Variants in HASPIN observed in about 807,000 individuals in gnomAD.
HASPIN encodes serine/threonine-protein kinase haspin.
HASPIN carries 24 observed loss-of-function variants against 28.8 expected under a neutral mutation model. The observed-to-expected ratio is 0.83, with a 90% CI of 0.60 to 1.17. The LOEUF is 1.17. Ranked by LOEUF, HASPIN falls within the 50% of genes most tolerant of loss-of-function variation. The probability of loss-of-function intolerance (pLI) is 0.00; values close to 1 mark genes in which losing one functional copy is unlikely to be tolerated. For synonymous variants in HASPIN, 440 were observed against 413.1 expected (o/e 1.07, Z -0.79); for missense variants, 1,016 against 1,018.5 (o/e 1.00, Z 0.03).
In HASPIN at chr17:3,726,449, A is replaced by G. The variant is rs2051216048; in HGVS notation, c.*117A>G. The G allele has an allele frequency of 2.9e-6, 2 of 688,226 alleles. No individual in the cohort carries two copies. The highest frequency in any genetic ancestry group is 2.6e-5 in the Admixed American group (1 of 37,760). The allele number at this position is 688,226 out of a possible 1,614,324, so 42.6% of individuals were successfully genotyped here. A position where few individuals can be genotyped will look rare whatever the true frequency, so the allele number is the denominator to read the frequency against. On this transcript the variant is annotated 3_prime_UTR_variant, in exon 1 of 1. Coordinates refer to ENST00000325418, the MANE Select transcript of HASPIN (RefSeq NM_031965.2). ...CTCCCATTCTCACAGGTTTCCAGTCAGCTTTTCAAACAAGAATTTTGTTTC... is the reference window on the plus strand; with the variant it reads ...CTCCCATTCTCACAGGTTTCCAGTCGGCTTTTCAAACAAGAATTTTGTTTC...
chr17:3,725,056 C>T lies in HASPIN; in HGVS notation c.1121C>T (p.Pro374Leu), dbSNP rs750702517. 27 of 1,614,250 alleles carry T rather than the reference C, an allele frequency of 1.7e-5. No individual in the cohort carries two copies. Among genetic ancestry groups the T allele is most frequent in the Non-Finnish European group, 2.3e-5 (27 of 1,180,046 alleles). ...KDSFPTQDLT[P>L]LQNVCFWTKT... ...TCGTTCCCCACCCAGGACCTGACTCCTTTACAGAATGTCTGCTTTTGGACC... is the reference window on the plus strand; with the variant it reads ...TCGTTCCCCACCCAGGACCTGACTCTTTTACAGAATGTCTGCTTTTGGACC... The change falls in exon 1 of 1, where the codon CCT becomes CTT. Residue 374 changes from proline to leucine, a missense_variant. Pro to Leu is a moderately conservative substitution (Grantham distance 98). Coordinates refer to ENST00000325418, the MANE Select transcript of HASPIN (RefSeq NM_031965.2).
chr17:3,724,510 C>A lies in HASPIN; in HGVS notation c.575C>A (p.Ser192Tyr). Residue 192 changes from serine (S) to tyrosine (Y), a missense_variant, in exon 1 of 1, where the codon TCC becomes TAC. Around this residue, in one of 3 missense-constraint regions of HASPIN, gnomAD observed 881 missense variants for 845.5 expected, o/e 1.04. Coordinates refer to ENST00000325418, the MANE Select transcript of HASPIN (RefSeq NM_031965.2). ...GACAGTGTCATCTCGATCGGCACCT[C>A]CGCCTGTCTGGTTGCAGCCTCAGCC... The part of the protein sequence containing the change: ...PRDSVISIGT[S>Y]ACLVAASAVP... 6.2e-7 allele frequency: 1 copy of A among 1,614,068 alleles called. No homozygotes were observed. The highest frequency in any genetic ancestry group is 8.5e-7 in the Non-Finnish European group (1 of 1,180,032).
Position 3,726,197 on chromosome 17 carries a change from A to G in HASPIN, c.2262A>G (p.Lys754=). 2 of 1,614,228 alleles carry G rather than the reference A, an allele frequency of 1.2e-6. No homozygotes were observed. The highest frequency in any genetic ancestry group is 1.7e-6 in the Non-Finnish European group (2 of 1,180,038). Residue 754 remains lysine (K), a synonymous_variant, in exon 1 of 1, where the codon AAA becomes AAG. Coordinates refer to ENST00000325418, the MANE Select transcript of HASPIN (RefSeq NM_031965.2). ...WLHYLTDKML[K]QMTFKTKCNT... Reference sequence around the variant, plus strand: ...ATTACCTGACAGACAAGATGCTGAAACAAATGACCTTCAAGACTAAATGTA... The same window carrying G: ...ATTACCTGACAGACAAGATGCTGAAGCAAATGACCTTCAAGACTAAATGTA...
rs1344127507 is a variant in HASPIN, at chr17:3,726,122, TAAC to T, written c.2191_2193del (p.Asn731del). ...TCTACAGGCTCATGAAGAAGGAGAA[TAAC>T]AACCGCTGGGGTGAATATCACCCTT... On this transcript the variant is annotated inframe_deletion, in exon 1 of 1. Coordinates refer to ENST00000325418, the MANE Select transcript of HASPIN (RefSeq NM_031965.2). 6.2e-7 allele frequency: 1 copy of T among 1,614,132 alleles called. No homozygotes were observed. Among genetic ancestry groups the T allele is most frequent in the Non-Finnish European group, 8.5e-7 (1 of 1,180,036 alleles).
At position 3,724,103 on chromosome 17, in the gene HASPIN, C is replaced by T. The variant is rs765173115; in HGVS notation, c.168C>T (p.Asp56=). The change falls in exon 1 of 1, where the codon GAC becomes GAT. Residue 56 remains aspartate, a synonymous_variant. Coordinates refer to ENST00000325418, the MANE Select transcript of HASPIN (RefSeq NM_031965.2). ...SSGSSDASIG[D]PSQSDDPDDP... ...GCAGCAGCGACGCCAGCATCGGCGA[C>T]CCCTCGCAGTCCGACGATCCTGACG... 1 of 1,594,656 alleles carries T rather than the reference C, an allele frequency of 6.3e-7. No homozygotes were observed. The highest frequency in any genetic ancestry group is 8.5e-7 in the Non-Finnish European group (1 of 1,177,576).
Position 3,725,261 on chromosome 17 carries a change from T to A in HASPIN, c.1326T>A (p.Tyr442Ter). 6.2e-7 allele frequency: 1 copy of A among 1,614,174 alleles called. No individual in the cohort carries two copies. Among genetic ancestry groups the A allele is most frequent in the Non-Finnish European group, 8.5e-7 (1 of 1,180,038 alleles). Reference sequence around the variant, plus strand: ...CCTCTTGGCACTCCTCCTCTATGTATTTGCTAAGCCCCTTAAACACTCTAA... The same window carrying A: ...CCTCTTGGCACTCCTCCTCTATGTAATTGCTAAGCCCCTTAAACACTCTAA... ...APSSWHSSSM[Y>*]LLSPLNTLSI... Residue 442 changes from tyrosine to a stop codon, truncating the protein, a stop_gained, in exon 1 of 1, where the codon TAT (tyrosine) becomes TAA (stop). Coordinates refer to ENST00000325418, the MANE Select transcript of HASPIN (RefSeq NM_031965.2). LOFTEE classifies it high-confidence loss of function.
chr17:3,724,246 G>T lies in HASPIN; in HGVS notation c.311G>T (p.Arg104Leu). The part of the protein sequence containing the change: ...LTVTPKRWKL[R>L]ARPSLTVTPR... Reference sequence around the variant, plus strand: ...GTGACCCCAAAGCGCTGGAAGCTGCGAGCTCGCCCAAGCCTAACCGTGACC... The same window carrying T: ...GTGACCCCAAAGCGCTGGAAGCTGCTAGCTCGCCCAAGCCTAACCGTGACC... The change falls in exon 1 of 1, where the codon CGA becomes CTA. Residue 104 changes from arginine to leucine, a missense_variant. By Grantham distance (102) the Arg-to-Leu change is moderately radical (BLOSUM62 -2). Coordinates refer to ENST00000325418, the MANE Select transcript of HASPIN (RefSeq NM_031965.2). The T allele has an allele frequency of 6.3e-7, 1 of 1,593,008 alleles. No homozygotes were observed. The highest frequency in any genetic ancestry group is 2.2e-5 in the East Asian group (1 of 44,514).
rs778754378 is a variant in HASPIN, at chr17:3,726,261, G to A, written c.2326G>A (p.Glu776Lys). Residue 776 changes from glutamate to lysine, a missense_variant, in exon 1 of 1, where the codon GAG becomes AAG. Transcript: ENST00000325418. ...AMKQIKRKIQ[E>K]FHRTMLNFSS... ...GAAGCAAATTAAGAGAAAAATCCAG[G>A]AGTTCCACAGGACAATGCTGAACTT... is the stretch of plus-strand genomic sequence containing the variant. 3 of 1,614,150 alleles carry A rather than the reference G, an allele frequency of 1.9e-6. No homozygotes were observed. The highest frequency in any genetic ancestry group is 2.5e-6 in the Non-Finnish European group (3 of 1,180,014).
chr17:3,724,699 A>G lies in HASPIN; in HGVS notation c.764A>G (p.Glu255Gly). 6.2e-7 allele frequency: 1 copy of G among 1,614,178 alleles called. No homozygotes were observed. The change falls in exon 1 of 1, where the codon GAG becomes GGG. Residue 255 changes from glutamate to glycine, a missense_variant. By Grantham distance (98) the Glu-to-Gly change is moderately conservative (BLOSUM62 -2). Transcript: ENST00000325418. Reference sequence around the variant, plus strand: ...GGCCTTATGAACTCAGGAACCCCTGAGGATTCTGAGTTTCGGGCAGATGGG... The same window carrying G: ...GGCCTTATGAACTCAGGAACCCCTGGGGATTCTGAGTTTCGGGCAGATGGG... Reference protein sequence around the residue: ...LFGLMNSGTPEDSEFRADGKN... With the variant: ...LFGLMNSGTPGDSEFRADGKN...
At position 3,724,156 on chromosome 17, in the gene HASPIN, GC is replaced by G. The variant is rs2051144521; in HGVS notation, c.224del (p.Pro75ArgfsTer2). 6.3e-7 allele frequency: 1 copy of G among 1,594,422 alleles called. No homozygotes were observed. The highest frequency in any genetic ancestry group is 1.3e-5 in the African/African-American group (1 of 74,622). On this transcript the variant is annotated frameshift_variant, in exon 1 of 1. Coordinates refer to ENST00000325418, the MANE Select transcript of HASPIN (RefSeq NM_031965.2). LOFTEE classifies it low-confidence loss of function (END_TRUNC). ...CCCGACGACCCCGACTTCCCCGGCA[GC>G]CCGGTGAGGCGGCGGCGGAGGCGTC... Reference protein sequence around the residue: ...DDPDDPDFPGSPVRRRRRRPG... With the variant: ...DDPDDPDFPGXPVRRRRRRPG...
In HASPIN at chr17:3,725,894, G is replaced by A. The variant is rs1320661417; in HGVS notation, c.1959G>A (p.Gly653=). 2 of 1,612,650 alleles carry A rather than the reference G, an allele frequency of 1.2e-6. No individual in the cohort carries two copies. Among genetic ancestry groups the A allele is most frequent in the South Asian group, 1.1e-5 (1 of 91,070 alleles). Residue 653 remains glycine (G), a synonymous_variant, in exon 1 of 1, where the codon GGG becomes GGA. Transcript: ENST00000325418. ...LRFEHRDLHW[G]NVLLKKTSLK... The stretch of plus-strand genomic sequence containing the variant: ...TTGAGCACCGAGACTTACACTGGGG[G>A]AACGTGCTCTTAAAGAAAACCAGCC...
chr17:3,724,554 C>G lies in HASPIN; in HGVS notation c.619C>G (p.Leu207Val). 6.2e-7 allele frequency: 1 copy of G among 1,614,190 alleles called. No homozygotes were observed. The highest frequency in any genetic ancestry group is 8.5e-7 in the Non-Finnish European group (1 of 1,180,028). The change falls in exon 1 of 1, where the codon CTC becomes GTC. Residue 207 changes from leucine (L) to valine (V), a missense_variant. Leu to Val is a conservative substitution (Grantham distance 32, BLOSUM62 1). Transcript: ENST00000325418. ...CTCAGCCGTCCCGAGCGGCCTCCAC[C>G]TCCCAGAAGTCTCCCTGGACCGAGC... is the stretch of plus-strand genomic sequence containing the variant. ...AASAVPSGLHLPEVSLDRASL... is the reference protein window; with the variant it reads ...AASAVPSGLHVPEVSLDRASL...
rs763743309 is a variant in HASPIN at position 3,724,233 on chromosome 17, C to A, written c.298C>A (p.Arg100Ser). Residue 100 changes from arginine to serine, a missense_variant, in exon 1 of 1, where the codon CGC (arginine) becomes AGC (serine). Coordinates refer to ENST00000325418, the MANE Select transcript of HASPIN (RefSeq NM_031965.2). ...DRPSLTVTPK[R>S]WKLRARPSLT... ...GCCCAGCCTGACCGTGACCCCAAAGCGCTGGAAGCTGCGAGCTCGCCCAAG... is the reference window on the plus strand; with the variant it reads ...GCCCAGCCTGACCGTGACCCCAAAGAGCTGGAAGCTGCGAGCTCGCCCAAG... The A allele has an allele frequency of 6.3e-7, 1 of 1,593,660 alleles. No individual in the cohort carries two copies. Among genetic ancestry groups the A allele is most frequent in the Non-Finnish European group, 8.5e-7 (1 of 1,177,408 alleles).
In HASPIN at chr17:3,724,202, G is replaced by C; in HGVS notation, c.267G>C (p.Lys89Asn). 6.3e-7 allele frequency: 1 copy of C among 1,593,244 alleles called. No homozygotes were observed. The highest frequency in any genetic ancestry group is 1.7e-4 in the Middle Eastern group (1 of 6,050). Residue 89 changes from lysine (K) to asparagine (N), a missense_variant, in exon 1 of 1, where the codon AAG becomes AAC. Coordinates refer to ENST00000325418, the MANE Select transcript of HASPIN (RefSeq NM_031965.2). Reference protein sequence around the residue: ...RRRRPGGRVPKDRPSLTVTPK... With the variant: ...RRRRPGGRVPNDRPSLTVTPK... ...GGCGTCCCGGCGGCCGAGTGCCCAA[G>C]GACCGGCCCAGCCTGACCGTGACCC...
rs2051219873 is a variant in HASPIN at position 3,726,635 on chromosome 17, C to T, written c.*303C>T. 3.1e-6 allele frequency: 1 copy of T among 320,962 alleles called. No homozygotes were observed. Among genetic ancestry groups the T allele is most frequent in the African/African-American group, 2.1e-5 (1 of 46,964 alleles). 19.9% of individuals were successfully genotyped at this position (320,962 alleles called of 1,614,324 possible). On this transcript the variant is annotated 3_prime_UTR_variant, in exon 1 of 1. Coordinates refer to ENST00000325418, the MANE Select transcript of HASPIN (RefSeq NM_031965.2). ...TTGAGCCCAAGAGTTCATATCTAGCCTGGTCAACATAGCAAGACCCCTGTC... is the reference window on the plus strand; with the variant it reads ...TTGAGCCCAAGAGTTCATATCTAGCTTGGTCAACATAGCAAGACCCCTGTC...
At position 3,723,997 on chromosome 17, in the gene HASPIN, G is replaced by T. The variant is rs371387394; in HGVS notation, c.62G>T (p.Gly21Val). The T allele has an allele frequency of 6.3e-7, 1 of 1,594,892 alleles. No homozygotes were observed. The highest frequency in any genetic ancestry group is 8.5e-7 in the Non-Finnish European group (1 of 1,173,920). Residue 21 changes from glycine to valine, a missense_variant, in exon 1 of 1, where the codon GGC (glycine) becomes GTC (valine). Around this residue, in one of 3 missense-constraint regions of HASPIN, gnomAD observed 881 missense variants for 845.5 expected, o/e 1.04. Coordinates refer to ENST00000325418, the MANE Select transcript of HASPIN (RefSeq NM_031965.2). ...RLFRTYGAAD[G>V]RRQRRPGREA... Reference sequence around the variant, plus strand: ...TTCCGCACATATGGGGCTGCGGACGGCAGGAGACAGCGGCGGCCGGGCCGG... The same window carrying T: ...TTCCGCACATATGGGGCTGCGGACGTCAGGAGACAGCGGCGGCCGGGCCGG...
Position 3,723,981 on chromosome 17 carries a change from T to C in HASPIN, c.46T>C (p.Tyr16His). Residue 16 changes from tyrosine (Y) to histidine (H), a missense_variant, in exon 1 of 1, where the codon TAT becomes CAT. This residue lies in a region of HASPIN where 881 missense variants were observed against 845.5 expected (regional missense o/e 1.04). Coordinates refer to ENST00000325418, the MANE Select transcript of HASPIN (RefSeq NM_031965.2). ...PGPGSRLFRT[Y>H]GAADGRRQRR... The stretch of plus-strand genomic sequence containing the variant: ...ACCTGGGAGCCGGCTTTTCCGCACA[T>C]ATGGGGCTGCGGACGGCAGGAGACA... 2 of 1,592,372 alleles carry C rather than the reference T, an allele frequency of 1.3e-6. No individual in the cohort carries two copies. Among genetic ancestry groups the C allele is most frequent in the Non-Finnish European group, 1.7e-6 (2 of 1,170,672 alleles).
At position 3,724,948 on chromosome 17, in the gene HASPIN, G is replaced by A. The variant is rs1301078889; in HGVS notation, c.1013G>A (p.Arg338Gln). 6.8e-6 allele frequency: 11 copies of A among 1,613,778 alleles called. No homozygotes were observed. The highest frequency in any genetic ancestry group is 5.5e-5 in the South Asian group (5 of 91,042). ...AGGCTGGAGAGAACTAGATCAAGCC[G>A]GAAGAGCAAACATCAGGAGGCAACG... ...IDRLERTRSS[R>Q]KSKHQEATET... Residue 338 changes from arginine to glutamine, a missense_variant, in exon 1 of 1, where the codon CGG (arginine) becomes CAG (glutamine). Coordinates refer to ENST00000325418, the MANE Select transcript of HASPIN (RefSeq NM_031965.2).
At position 3,724,676 on chromosome 17, in the gene HASPIN, C is replaced by G. The variant is rs750785196; in HGVS notation, c.741C>G (p.Gly247=). The change falls in exon 1 of 1, where the codon GGC becomes GGG. Residue 247 remains glycine (G), a synonymous_variant. Transcript: ENST00000325418. ...CCAGCCTCAGGTCAGTTCTCTTTGG[C>G]CTTATGAACTCAGGAACCCCTGAGG... ...TRASLRSVLF[G]LMNSGTPEDS... is the part of the protein sequence containing the mutation. The G allele has an allele frequency of 6.2e-7, 1 of 1,614,178 alleles. No individual in the cohort carries two copies. Among genetic ancestry groups the G allele is most frequent in the Non-Finnish European group, 8.5e-7 (1 of 1,180,028 alleles).
Sources: gnomAD v4.1 joint callset for allele counts on GRCh38, gnomAD v4.1.1 for gene constraint, gnomAD v4.1.1 regional missense constraint, MANE v1.5 for transcripts, NCBI Gene and HGNC (gene_info 2026-07-23, HGNC 2026-07-21) for gene names.